FUT8: variants seen among roughly 807,000 people sequenced by gnomAD.
FUT8 encodes the protein alpha-(1,6)-fucosyltransferase.
FUT8 carries 29 observed loss-of-function variants against 71.3 expected under a neutral mutation model. The ratio of observed to expected loss-of-function variants is 0.41; its 90% CI spans 0.30 to 0.55. The LOEUF is 0.55. Among genes scored for constraint, FUT8 ranks in the 20% least tolerant of loss-of-function variants. The probability of loss-of-function intolerance (pLI) is 0.34; values close to 1 mark genes in which losing one functional copy is unlikely to be tolerated. For missense variants in FUT8, 544 were observed against 702.1 expected (o/e 0.77, Z 2.55); for synonymous variants, 254 against 239.3 (o/e 1.06, Z -0.57).
chr14:65,648,221 C>T (rs1293949516), intron 6 of FUT8, among the ~76,000 whole-genome samples: 3 of 152,224 alleles, frequency 2.0e-5, no homozygotes, highest in Admixed American at 6.5e-5. Flanking sequence ...TTTACTGTCT[C>T]CTCCTTTACA....
Position 65,561,486 on chromosome 14 carries a change from A to C in FUT8, c.-78A>C, listed in dbSNP as rs1885910725. ...ACAACAGAAGTCTATTCACCTGTGC[A>C]CTAACTAGAAACAGAGTTACAATGT... is the stretch of plus-strand genomic sequence containing the variant. On this transcript the variant is annotated 5_prime_UTR_variant, in exon 3 of 11. Transcript: ENST00000673929. 5 of 1,344,518 alleles carry C rather than the reference A, an allele frequency of 3.7e-6. No individual in the cohort carries two copies. The highest frequency in any genetic ancestry group is 5.3e-6 in the Non-Finnish European group (5 of 945,748). The allele number at this position is 1,344,518 out of a possible 1,614,324, so 83.3% of individuals were successfully genotyped here. A position where few individuals can be genotyped will look rare whatever the true frequency, so the allele number is the denominator to read the frequency against.
At chr14:65,440,474 C>A (rs746288529) in intron 1 of FUT8, among the ~76,000 whole-genome samples, 1 of 151,638 alleles carries the variant, frequency 6.6e-6, no homozygotes, top group Non-Finnish European at 1.5e-5. Context: ...TGCCACCATG[C>A]CCAGCTAGAG....
intron 3 of FUT8, among the ~76,000 whole-genome samples, chr14:65,580,871 G>A (rs990391583): frequency 1.3e-5 from 2 of 152,090 alleles, no homozygotes; most frequent in South Asian, 4.1e-4. Flanking sequence ...TAGACACAGT[G>A]TGGATTGGAA....
chr14:65,378,371 C>A, the FUT8 span, among the ~76,000 whole-genome samples: 2 of 152,008 alleles, frequency 1.3e-5, no homozygotes, highest in African/African-American at 4.8e-5. Flanking sequence ...TACAATAAAG[C>A]CAAATGTGTG....
chr14:65,439,401 T>C (rs530922094), intron 1 of FUT8, among the ~76,000 whole-genome samples: 2 of 152,312 alleles, frequency 1.3e-5, no homozygotes, highest in East Asian at 3.9e-4. Context: ...GTACCTCATA[T>C]AGGCTAATTA....
intron 5 of FUT8, among the ~76,000 whole-genome samples, chr14:65,628,246 G>C (rs986569315): frequency 3.3e-5 from 5 of 152,172 alleles, no homozygotes; most frequent in African/African-American, 1.2e-4. Flanking sequence ...AAGAAGGATG[G>C]TAGTGGGAGA....
In FUT8 at chr14:65,715,965, A is replaced by G. The variant is rs202046402; in HGVS notation, c.836-5810A>G. ...GCACTCCAGCCTGGACAAGAGTGAG[A>G]CCCTCTCTCAAAAAAAAAAAAAAAC... On this transcript the variant is annotated intron_variant, in intron 7 of 10. Coordinates refer to ENST00000673929, the MANE Select transcript of FUT8 (RefSeq NM_001371533.1). 4.1e-4 allele frequency among the ~76,000 whole-genome samples: 50 copies of G among 120,734 alleles called. No homozygotes were observed. The East Asian group carries it at 0.012, about 29-fold the overall frequency. 79.2% of individuals were successfully genotyped at this position (120,734 alleles called of 152,430 possible).
In FUT8 at chr14:65,447,348, T is replaced by G. The variant is rs151302839; in HGVS notation, c.-325-8273T>G. ...ATTTTGTTTGAGTTTGTTACTAAACTTGGTGAATATAAGCTGCATTTTTTA... is the reference window on the plus strand; with the variant it reads ...ATTTTGTTTGAGTTTGTTACTAAACGTGGTGAATATAAGCTGCATTTTTTA... On this transcript the variant is annotated intron_variant, in intron 1 of 10. Coordinates refer to ENST00000673929, the MANE Select transcript of FUT8 (RefSeq NM_001371533.1). Among the ~76,000 whole-genome samples, 406 of 151,794 alleles carry G rather than the reference T, an allele frequency of 2.7e-3. 4 individuals carry two copies. Among genetic ancestry groups the G allele is most frequent in the African/African-American group, 9.3e-3 (387 of 41,442 alleles).
At chr14:65,370,201 CTTTTTTTTT>C in the FUT8 span, among the ~76,000 whole-genome samples, 6 of 58,464 alleles carry the variant, frequency 1.0e-4, no homozygotes, top group African/African-American at 3.3e-4. Flanking sequence ...CACACATAGT[CTTTTTTTTT>C]TTTTTTTTTT....
Position 65,611,207 on chromosome 14 carries a change from GCGCGCGCGCGCGCGCGCACACACACA to G in FUT8, c.204-4769_204-4744del, listed in dbSNP as rs1888900946. Among the ~76,000 whole-genome samples, 22 of 2,872 alleles carry G rather than the reference GCGCGCGCGCGCGCGCGCACACACACA, an allele frequency of 7.7e-3. 1 individual carries two copies. Among genetic ancestry groups the G allele is most frequent in the Non-Finnish European group, 0.021 (16 of 762 alleles). 1.9% of individuals were successfully genotyped at this position (2,872 alleles called of 152,430 possible). ...CATACACACACACACACGCGCGCGCGCGCGCGCGCGCGCGCGCACACACACACACACACACACACACACACACACAC... is the reference window on the plus strand; with the variant it reads ...CATACACACACACACACGCGCGCGCGCACACACACACACACACACACACAC... On this transcript the variant is annotated intron_variant, in intron 3 of 10. Transcript: ENST00000673929.
At chr14:65,684,608 C>T (rs1286926977) in intron 7 of FUT8, among the ~76,000 whole-genome samples, 1 of 152,174 alleles carries the variant, frequency 6.6e-6, no homozygotes, top group Non-Finnish European at 1.5e-5. Context: ...CCCACCCAAA[C>T]CTCATCTTGA....
intron 2 of FUT8, chr14:65,488,343 G>C (rs1449677599): frequency 6.6e-6 from 1 of 152,132 alleles, no homozygotes. Flanking sequence ...AGTCAAATGA[G>C]ATCATTTTTG....
chr14:65,628,099 A>G (rs1356547704), intron 5 of FUT8, among the ~76,000 whole-genome samples: 2 of 152,196 alleles, frequency 1.3e-5, no homozygotes, highest in African/African-American at 4.8e-5. Flanking sequence ...GGTCATTTAG[A>G]TGAGCCATGT....
intron 2 of FUT8, among the ~76,000 whole-genome samples, chr14:65,558,999 T>C (rs1399146165): frequency 6.6e-6 from 1 of 152,140 alleles, no homozygotes; most frequent in Admixed American, 6.5e-5. Context: ...TTGGTAATGG[T>C]TTATAAAAAA....
chr14:65,702,799 C>T (rs928963894), intron 7 of FUT8, among the ~76,000 whole-genome samples: 2 of 151,634 alleles, frequency 1.3e-5, no homozygotes, highest in African/African-American at 4.9e-5. Context: ...AGTGCAGTGG[C>T]ACCATCTCGG....
At chr14:65,525,172 G>A (rs1203688335) in intron 2 of FUT8, among the ~76,000 whole-genome samples, 9 of 152,074 alleles carry the variant, frequency 5.9e-5, no homozygotes, top group Admixed American at 6.6e-5. Context: ...GGTAGAATTC[G>A]GTTGTGAATC....
At chr14:65,581,340 G>A (rs1887077879) in intron 3 of FUT8, among the ~76,000 whole-genome samples, 2 of 152,086 alleles carry the variant, frequency 1.3e-5, no homozygotes, top group Admixed American at 1.3e-4. Context: ...GACTAACAAT[G>A]AGTCATCTTT....
At chr14:65,640,673 G>A (rs938511721) in intron 6 of FUT8, among the ~76,000 whole-genome samples, 1 of 151,998 alleles carries the variant, frequency 6.6e-6, no homozygotes, top group African/African-American at 2.4e-5. Context: ...TGCTACATTA[G>A]AGAGTATTAA....
chr14:65,567,559 ATTC>A (rs1440455637), intron 3 of FUT8, among the ~76,000 whole-genome samples: 1 of 151,992 alleles, frequency 6.6e-6, no homozygotes. Flanking sequence ...GTGTACATAT[ATTC>A]TTAAAGCCAG....
Sources: gnomAD v4.1 joint callset for allele counts (sites outside exome capture counted in the v4.1 genomes callset) on GRCh38, gnomAD v4.1.1 for gene constraint, MANE v1.5 for transcripts, NCBI Gene and HGNC (gene_info 2026-07-23, HGNC 2026-07-21) for gene names.